C16orf78: variants seen among roughly 807,000 people sequenced by gnomAD.
C16orf78 encodes chromosome 16 open reading frame 78, also known as uncharacterized protein C16orf78.
Under a neutral mutation model 27.3 loss-of-function variants are expected in C16orf78, and 19 were observed. The ratio of observed to expected loss-of-function variants is 0.70; its 90% confidence interval spans 0.49 to 1.02. The LOEUF (loss-of-function observed/expected upper bound fraction) is 1.02. Ranked by LOEUF, C16orf78 falls within the 50% of genes least tolerant of loss-of-function variation. The probability of loss-of-function intolerance (pLI) is 0.00; values close to 1 mark genes in which losing one functional copy is unlikely to be tolerated. For synonymous variants in C16orf78, 130 were observed against 116.1 expected (o/e 1.12, Z -0.77); for missense variants, 339 against 337.0 (o/e 1.01, Z -0.05).
intron 3 of C16orf78, among the ~76,000 whole-genome samples, chr16:49,380,878 A>G (rs1965277886): frequency 6.6e-6 from 1 of 151,220 alleles, no homozygotes; most frequent in African/African-American, 2.5e-5. Flanking sequence ...AGCACCATTT[A>G]TTAAATAGGG....
chr16:49,378,286 G>A (rs1965245055), intron 2 of C16orf78, among the ~76,000 whole-genome samples, 184 bp from the exon 3 acceptor site: 1 of 152,230 alleles, frequency 6.6e-6, no homozygotes, highest in Non-Finnish European at 1.5e-5. Context: ...AGGCGTTGGT[G>A]AGCAAGCACC....
chr16:49,375,221 G>C (rs935012099), intron 1 of C16orf78, among the ~76,000 whole-genome samples: 4 of 152,034 alleles, frequency 2.6e-5, no homozygotes, highest in Non-Finnish European at 4.4e-5. Context: ...CTTTATCCAG[G>C]TCAGCACCTG....
chr16:49,398,682 A>G (rs985734146), intron 4 of C16orf78, among the ~76,000 whole-genome samples: 3 of 152,158 alleles, frequency 2.0e-5, no homozygotes, highest in African/African-American at 7.2e-5. Flanking sequence ...TCCTAATGCC[A>G]TTCTAACTGT....
At chr16:49,378,026 C>G (rs1005518114) in intron 2 of C16orf78, among the ~76,000 whole-genome samples, 176 bp downstream of exon 2, 3 of 152,208 alleles carry the variant, frequency 2.0e-5, no homozygotes, top group Non-Finnish European at 4.4e-5. Context: ...CCTGTCCAGC[C>G]GTGCTACCCA....
intron 3 of C16orf78, among the ~76,000 whole-genome samples, chr16:49,388,157 T>A (rs1379491738): frequency 4.6e-5 from 7 of 152,086 alleles, no homozygotes; most frequent in Non-Finnish European, 8.8e-5. Context: ...AACCCACAAC[T>A]CCTGGATTCC....
In C16orf78 at chr16:49,378,495, A is replaced by G; in HGVS notation, c.296A>G (p.Asp99Gly). 3 of 1,596,264 alleles carry G rather than the reference A, an allele frequency of 1.9e-6. No homozygotes were observed. Among genetic ancestry groups the G allele is most frequent in the Non-Finnish European group, 2.6e-6 (3 of 1,170,802 alleles). ...GCCTTAGGAAAGAGATTCAGGAAGG[A>G]CGCCGCCTCCTACCGAAGCCTCTAT... ...QQALGKRFRK[D>G]AASYRSLYGV... Residue 99 changes from aspartate (D) to glycine (G), a missense_variant, in exon 3 of 5, where the codon GAC becomes GGC. Physicochemically the swap from Asp to Gly is moderately conservative, Grantham distance 94. Coordinates refer to ENST00000299191, the MANE Select transcript of C16orf78 (RefSeq NM_144602.4).
intron 3 of C16orf78, among the ~76,000 whole-genome samples, chr16:49,390,753 G>T (rs1965402981): frequency 6.6e-6 from 1 of 152,164 alleles, no homozygotes; most frequent in African/African-American, 2.4e-5. Context: ...GCAGTTCTTG[G>T]TGCAGCTTTT....
chr16:49,383,043 C>T (rs1236162525), intron 3 of C16orf78, among the ~76,000 whole-genome samples: 1 of 152,248 alleles, frequency 6.6e-6, no homozygotes, highest in Non-Finnish European at 1.5e-5. Context: ...CTGCAGTTCC[C>T]TTCTTTCCAC....
chr16:49,384,724 G>C (rs1275170270), intron 3 of C16orf78, among the ~76,000 whole-genome samples: 1 of 151,990 alleles, frequency 6.6e-6, no homozygotes, highest in Non-Finnish European at 1.5e-5. Flanking sequence ...AACACAAAAA[G>C]GTCTGTACCA....
chr16:49,389,776 C>G (rs1341937201), intron 3 of C16orf78, among the ~76,000 whole-genome samples: 1 of 152,038 alleles, frequency 6.6e-6, no homozygotes, highest in Non-Finnish European at 1.5e-5. Context: ...TATTATAAAC[C>G]CCGCAAGTGT....
At chr16:49,378,404 G>A (rs1192953480) in intron 2 of C16orf78, 66 bp from the exon 3 acceptor site, 10 of 1,523,114 alleles carry the variant, frequency 6.6e-6, no homozygotes, top group African/African-American at 5.6e-5. Context: ...GTTTGCTTGG[G>A]ATGGAGCGGG....
At chr16:49,396,809 G>A (rs546799128) in intron 4 of C16orf78, 131 bp downstream of exon 4, 141 of 1,262,194 alleles carry the variant, frequency 1.1e-4, no homozygotes, top group African/African-American at 1.7e-4. Context: ...GCTGAGCTCC[G>A]CCCTTTGGTC....
chr16:49,396,573 C>G lies in C16orf78; in HGVS notation c.545C>G (p.Pro182Arg). ...ATAAGAGACTGGTCCAACAAGATGC[C>G]TGACATGGCTTACGAACGCAAGCTA... ...TFIRDWSNKM[P>R]DMAYERKLKS... Residue 182 changes from proline to arginine, a missense_variant, in exon 4 of 5, where the codon CCT becomes CGT. By Grantham distance (103) the Pro-to-Arg change is moderately radical. Coordinates refer to ENST00000299191, the MANE Select transcript of C16orf78 (RefSeq NM_144602.4). 1.2e-6 allele frequency: 2 copies of G among 1,614,210 alleles called. No homozygotes were observed. The highest frequency in any genetic ancestry group is 3.3e-4 in the Middle Eastern group (2 of 6,062).
At chr16:49,376,517 C>T (rs774586144) in intron 1 of C16orf78, among the ~76,000 whole-genome samples, 3 of 152,136 alleles carry the variant, frequency 2.0e-5, no homozygotes, top group Non-Finnish European at 2.9e-5. Context: ...GAAAATGCAG[C>T]CTTGGCTCTG....
intron 4 of C16orf78, among the ~76,000 whole-genome samples, chr16:49,398,399 G>C (rs1422456289): frequency 6.6e-6 from 1 of 152,188 alleles, no homozygotes; most frequent in Admixed American, 6.5e-5. Context: ...GTACAAATGG[G>C]ATTGATCCCA....
intron 3 of C16orf78, among the ~76,000 whole-genome samples, chr16:49,391,274 A>C (rs1965410020): frequency 6.6e-6 from 1 of 152,174 alleles, no homozygotes; most frequent in Non-Finnish European, 1.5e-5. Context: ...TGAGTAGTAG[A>C]CTGGAAAGGG....
Position 49,381,255 on chromosome 16 carries a change from C to T in C16orf78, c.394+2662C>T, listed in dbSNP as rs1008673128. On this transcript the variant is annotated intron_variant, in intron 3 of 4. Transcript: ENST00000299191. ...GCCATTTTCACAATATTGATTCTTCCTACCCATGAGCATGGAATGTTCTTC... is the reference window on the plus strand; with the variant it reads ...GCCATTTTCACAATATTGATTCTTCTTACCCATGAGCATGGAATGTTCTTC... Among the ~76,000 whole-genome samples the T allele has an allele frequency of 2.4e-3, 371 of 152,248 alleles. 1 individual carries two copies. Among genetic ancestry groups the T allele is most frequent in the African/African-American group, 8.6e-3 (359 of 41,530 alleles).
chr16:49,388,592 G>A (rs573205421), intron 3 of C16orf78, among the ~76,000 whole-genome samples: 192 of 152,166 alleles, frequency 1.3e-3, no homozygotes, highest in African/African-American at 4.5e-3. Flanking sequence ...GCTCACTACA[G>A]CCTCGACCTC....
Position 49,379,671 on chromosome 16 carries a change from C to CA in C16orf78, c.394+1085dup, listed in dbSNP as rs1273174654. On this transcript the variant is annotated intron_variant, in intron 3 of 4. Transcript: ENST00000299191. ...AAATCTGAAAAAGTTCTATAATATA[C>CA]AAAAAAATGTTAATTTCTTAGTCGT... Among the ~76,000 whole-genome samples, 9 of 151,898 alleles carry CA rather than the reference C, an allele frequency of 5.9e-5. No homozygotes were observed. The East Asian group carries it at 9.7e-4, about 16-fold the overall frequency.
Sources: gnomAD v4.1 joint callset for allele counts (sites outside exome capture counted in the v4.1 genomes callset) on GRCh38, gnomAD v4.1.1 for gene constraint, MANE v1.5 for transcripts, NCBI Gene and HGNC (gene_info 2026-07-23, HGNC 2026-07-21) for gene names.